EXOC6B: variants seen among roughly 807,000 people sequenced by gnomAD.
EXOC6B encodes exocyst complex component 6B, also known as SEC15 homolog B.
In EXOC6B, 54 loss-of-function variants were observed where a neutral mutation model predicts 113.5. The observed-to-expected ratio is 0.48, with a 90% CI of 0.38 to 0.60. The LOEUF (loss-of-function observed/expected upper bound fraction) is 0.60, where lower values mean the gene tolerates loss of function less well. Among genes scored for constraint, EXOC6B ranks in the 20% least tolerant of loss-of-function variants. The probability of loss-of-function intolerance (pLI) is 0.00; values close to 1 mark genes in which losing one functional copy is unlikely to be tolerated. For missense variants in EXOC6B, 797 were observed against 977.5 expected (o/e 0.82, Z 2.46); for synonymous variants, 357 against 339.0 (o/e 1.05, Z -0.58).
intron 18 of EXOC6B, among the ~76,000 whole-genome samples, chr2:72,422,822 T>A (rs1694979270): frequency 6.6e-6 from 1 of 152,178 alleles, no homozygotes; most frequent in South Asian, 2.1e-4. Flanking sequence ...ATCTAACTAA[T>A]CTGATGAGGA....
At chr2:72,459,673 G>C (rs1332891475) in intron 18 of EXOC6B, among the ~76,000 whole-genome samples, 3 of 152,130 alleles carry the variant, frequency 2.0e-5, no homozygotes, top group African/African-American at 7.2e-5. Flanking sequence ...TCTTCAAGGA[G>C]AACTACAAAC....
chr2:72,335,702 G>A (rs1688655668), intron 19 of EXOC6B, among the ~76,000 whole-genome samples: 1 of 151,934 alleles, frequency 6.6e-6, no homozygotes, highest in South Asian at 2.1e-4. Context: ...GCAAAACTTA[G>A]GGAACATTTG....
intron 5 of EXOC6B, among the ~76,000 whole-genome samples, chr2:72,722,402 T>C (rs529097629): frequency 6.6e-6 from 1 of 152,226 alleles, no homozygotes; most frequent in East Asian, 1.9e-4. Context: ...CTCTTCTTGC[T>C]CTAATGAATT....
At chr2:72,660,335 A>G (rs1354384078) in intron 6 of EXOC6B, among the ~76,000 whole-genome samples, 1 of 152,212 alleles carries the variant, frequency 6.6e-6, no homozygotes, top group Non-Finnish European at 1.5e-5. Context: ...TAGGAAAATT[A>G]GTCTTTTCTA....
At position 72,509,226 on chromosome 2, in the gene EXOC6B, C is replaced by T. The variant is rs116777106; in HGVS notation, c.1167+3906G>A. On this transcript the variant is annotated intron_variant, in intron 11 of 21. Transcript: ENST00000272427. ...AGCCTTCTGTAAGCCAGGGAGAGAACCCTCACCAGTAGCTGACCATGTGGA... is the reference window on the plus strand; with the variant it reads ...AGCCTTCTGTAAGCCAGGGAGAGAATCCTCACCAGTAGCTGACCATGTGGA... Among the ~76,000 whole-genome samples the T allele has an allele frequency of 4.9e-3, 750 of 152,272 alleles. 11 individuals are homozygous for T. The highest frequency in any genetic ancestry group is 0.017 in the African/African-American group (697 of 41,558).
chr2:72,334,189 G>A (rs373222166), intron 20 of EXOC6B, among the ~76,000 whole-genome samples: 1 of 151,944 alleles, frequency 6.6e-6, no homozygotes, highest in Non-Finnish European at 1.5e-5. Flanking sequence ...ACAGAGCCCA[G>A]TTAACTCTCT....
intron 20 of EXOC6B, among the ~76,000 whole-genome samples, chr2:72,184,591 A>C (rs1678301053): frequency 6.6e-6 from 1 of 152,198 alleles, no homozygotes; most frequent in Non-Finnish European, 1.5e-5. Flanking sequence ...AGAACAAATA[A>C]AGGTGGATGT....
At chr2:72,457,130 C>G (rs1558685387) in intron 18 of EXOC6B, among the ~76,000 whole-genome samples, 1 of 151,766 alleles carries the variant, frequency 6.6e-6, no homozygotes, top group African/African-American at 2.4e-5. Flanking sequence ...AGAAAAAAGA[C>G]AGAAAGGTAG....
At chr2:72,435,823 G>A (rs1478477095) in intron 18 of EXOC6B, among the ~76,000 whole-genome samples, 1 of 151,750 alleles carries the variant, frequency 6.6e-6, no homozygotes, top group Non-Finnish European at 1.5e-5. Flanking sequence ...CCTGAATACA[G>A]CACACAGATG....
intron 18 of EXOC6B, among the ~76,000 whole-genome samples, chr2:72,427,720 G>T (rs1352345943): frequency 6.6e-6 from 1 of 152,188 alleles, no homozygotes; most frequent in African/African-American, 2.4e-5. Context: ...GGGCACCCTG[G>T]TGGAAGGGGG....
chr2:72,553,365 T>A (rs1289112138), intron 8 of EXOC6B, among the ~76,000 whole-genome samples: 1 of 152,134 alleles, frequency 6.6e-6, no homozygotes, highest in Non-Finnish European at 1.5e-5. Context: ...ATGAAACTGT[T>A]AATTCTTCCA....
At chr2:72,382,037 G>A (rs1691708015) in intron 18 of EXOC6B, among the ~76,000 whole-genome samples, 1 of 152,102 alleles carries the variant, frequency 6.6e-6, no homozygotes, top group Admixed American at 6.6e-5. Context: ...GCCACACTCT[G>A]CATGATTTAA....
At chr2:72,430,019 A>C (rs6733532) in intron 18 of EXOC6B, among the ~76,000 whole-genome samples, 1 of 152,062 alleles carries the variant, frequency 6.6e-6, no homozygotes, top group Non-Finnish European at 1.5e-5. Context: ...TATATTGCTA[A>C]GGGGAAAACT....
At chr2:72,416,305 C>A (rs972971943) in intron 18 of EXOC6B, among the ~76,000 whole-genome samples, 1 of 152,220 alleles carries the variant, frequency 6.6e-6, no homozygotes, top group African/African-American at 2.4e-5. Flanking sequence ...ATAACCCTAA[C>A]TCCTTTCCAA....
At chr2:72,795,890 A>T (rs1300149855) in intron 1 of EXOC6B, among the ~76,000 whole-genome samples, 1 of 151,858 alleles carries the variant, frequency 6.6e-6, no homozygotes, top group Non-Finnish European at 1.5e-5. Context: ...GCAGTGGCAC[A>T]ATCTCGGTTA....
chr2:72,691,477 T>C (rs938124269), intron 6 of EXOC6B, among the ~76,000 whole-genome samples: 3 of 152,042 alleles, frequency 2.0e-5, no homozygotes, highest in Admixed American at 1.3e-4. Context: ...ACACACAACA[T>C]AGTTTAGCTT....
chr2:72,538,198 A>G (rs1240727425), intron 8 of EXOC6B, among the ~76,000 whole-genome samples: 1 of 152,092 alleles, frequency 6.6e-6, no homozygotes, highest in Non-Finnish European at 1.5e-5. Context: ...CCTGGCCTCA[A>G]GCAAGCCTCC....
intron 20 of EXOC6B, among the ~76,000 whole-genome samples, chr2:72,289,956 C>T (rs1007317804): frequency 6.6e-6 from 1 of 152,188 alleles, no homozygotes; most frequent in Non-Finnish European, 1.5e-5. Flanking sequence ...CCTGAAAAAA[C>T]CACAAAGGTT....
intron 20 of EXOC6B, among the ~76,000 whole-genome samples, chr2:72,218,041 C>G (rs1009574848): frequency 6.6e-6 from 1 of 152,148 alleles, no homozygotes; most frequent in Non-Finnish European, 1.5e-5. Context: ...GTAACTTGTT[C>G]CAGATCACTG....
Sources: allele counts gnomAD v4.1 joint callset (sites outside exome capture counted in the v4.1 genomes callset), GRCh38; gene constraint gnomAD v4.1.1; transcripts MANE v1.5; gene names NCBI Gene and HGNC (gene_info 2026-07-23, HGNC 2026-07-21).